Variants in ABCA4 observed in about 807,000 individuals in gnomAD.
ABCA4 encodes ATP binding cassette subfamily A member 4.
Under a neutral mutation model 263.7 loss-of-function variants are expected in ABCA4, and 196 were observed. The ratio of observed to expected loss-of-function variants is 0.74; its 90% CI spans 0.66 to 0.84. The LOEUF (loss-of-function observed/expected upper bound fraction) is 0.84, where lower values mean the gene tolerates loss of function less well. Among genes scored for constraint, ABCA4 ranks in the 40% least tolerant of loss-of-function variants. ABCA4 has a pLI of 0.00. For missense variants in ABCA4, 2,792 were observed against 2,855.1 expected, an observed-to-expected ratio of 0.98 and a Z score of 0.50; for synonymous variants, 1,133 against 1,094.2, an observed-to-expected ratio of 1.04 and a Z score of -0.70.
chr1:94,060,855 CAGATGG>C (rs1282747714), intron 13 of ABCA4, 96 bp from the exon 14 acceptor site: 4 of 1,048,552 alleles, frequency 3.8e-6, no homozygotes, highest in Non-Finnish European at 5.8e-6. Flanking sequence ...GAACAAAGCC[CAGATGG>C]AGGGAAAGGA....
At chr1:94,031,228 A>G (rs1187188062) in intron 27 of ABCA4, 108 bp from the exon 28 acceptor site, 2 of 1,454,816 alleles carry the variant, frequency 1.4e-6, no homozygotes, top group Admixed American at 1.9e-5. Flanking sequence ...CAGCCTCCTA[A>G]TCAGCCCCTG....
intron 43 of ABCA4, 111 bp from the exon 44 acceptor site, chr1:94,005,693 TCTC>T (rs770785933): frequency 3.5e-5 from 39 of 1,101,726 alleles, no homozygotes; most frequent in South Asian, 8.5e-5. Flanking sequence ...CTTCTTCTCT[TCTC>T]CTATTTGGCT....
rs145483148 is a variant in ABCA4, at chr1:94,080,548, A to G, written c.1029T>C (p.Asn343=). The G allele has an allele frequency of 1.6e-3, 2,617 of 1,614,068 alleles. 7 individuals carry two copies. The highest frequency in any genetic ancestry group is 2.0e-3 in the Non-Finnish European group (2,346 of 1,180,018). The part of the protein sequence containing the change: ...RVLSFNWYED[N]NYKAFLGIDS... ...CAATCCCCAGAAAGGCCTTATAGTTATTGTCTTCATACCAGTTGAAGGAGA... is the reference window on the plus strand; with the variant it reads ...CAATCCCCAGAAAGGCCTTATAGTTGTTGTCTTCATACCAGTTGAAGGAGA... Residue 343 remains asparagine (N), a synonymous_variant, in exon 8 of 50, where the codon AAT becomes AAC. Coordinates refer to ENST00000370225, the MANE Select transcript of ABCA4 (RefSeq NM_000350.3).
chr1:94,070,784 G>A (rs565482360), intron 11 of ABCA4, among the ~76,000 whole-genome samples: 1 of 152,330 alleles, frequency 6.6e-6, no homozygotes, highest in South Asian at 2.1e-4. Flanking sequence ...AGTGGTACCA[G>A]GTGGGAAGCC....
chr1:94,051,280 C>T (rs1660832799), intron 17 of ABCA4, among the ~76,000 whole-genome samples: 1 of 152,210 alleles, frequency 6.6e-6, no homozygotes, highest in Non-Finnish European at 1.5e-5. Flanking sequence ...TGCAAAGGTT[C>T]CTTCATGATT....
At chr1:94,030,367 C>A (rs1478038032) in intron 29 of ABCA4, 61 bp downstream of exon 29, 1 of 1,496,556 alleles carries the variant, frequency 6.7e-7, no homozygotes, top group African/African-American at 1.4e-5. Flanking sequence ...CATCTTGAAC[C>A]CACCGTTGGG....
In ABCA4 at chr1:94,060,714, C is replaced by G. The variant is rs373643636; in HGVS notation, c.1983G>C (p.Leu661=). 1.9e-4 allele frequency: 302 copies of G among 1,613,812 alleles called. No individual in the cohort carries two copies. Among genetic ancestry groups the G allele is most frequent in the Non-Finnish European group, 2.4e-4 (287 of 1,179,948 alleles). The change falls in exon 14 of 50, where the codon CTG becomes CTC. Residue 661 remains leucine, a synonymous_variant. Transcript: ENST00000370225. The part of the protein sequence containing the change: ...LNRCFPIFMV[L]AWIYSVSMTV... ...TCATGGAGACAGAGTAGATCCATGC[C>G]AGCACCATGAAGATAGGGAAACAGC...
At chr1:94,034,991 T>C (rs1490038409) in intron 26 of ABCA4, among the ~76,000 whole-genome samples, 1 of 152,170 alleles carries the variant, frequency 6.6e-6, no homozygotes, top group Non-Finnish European at 1.5e-5. Context: ...ACAAAGAGGC[T>C]ATGTACTTAC....
chr1:94,059,505 C>G (rs1661060413), intron 14 of ABCA4: 1 of 152,168 alleles, frequency 6.6e-6, no homozygotes, highest in Non-Finnish European at 1.5e-5. Flanking sequence ...GGAGAAAGGG[C>G]AAGATTTGGC....
chr1:94,093,253 T>C (rs1662025522), intron 6 of ABCA4, among the ~76,000 whole-genome samples: 1 of 152,208 alleles, frequency 6.6e-6, no homozygotes, highest in South Asian at 2.1e-4. Context: ...TAGAAAAACA[T>C]TTTAATGTAA....
At position 94,111,418 on chromosome 1, in the gene ABCA4, G is replaced by C. The variant is rs61753050; in HGVS notation, c.302+20C>G. 4.3e-6 allele frequency: 7 copies of C among 1,613,394 alleles called. No homozygotes were observed. Among genetic ancestry groups the C allele is most frequent in the Non-Finnish European group, 5.9e-6 (7 of 1,179,680 alleles). On this transcript the variant is annotated intron_variant, in intron 3 of 49. Coordinates refer to ENST00000370225, the MANE Select transcript of ABCA4 (RefSeq NM_000350.3). ...GGTGTGCAACTTCCTCCCCTGCATG[G>C]TAGGGATCTCAACACTTACATGGAG... is the stretch of plus-strand genomic sequence containing the variant.
chr1:94,018,567 T>C lies in ABCA4; in HGVS notation c.5196+1015A>G, dbSNP rs17389488. 24,557 of 455,848 alleles carry C rather than the reference T, an allele frequency of 0.054. 851 individuals carry two copies. Among genetic ancestry groups the C allele is most frequent in the Middle Eastern group, 0.2 (600 of 3,066 alleles). The allele number at this position is 455,848 out of a possible 1,614,324, so 28.2% of individuals were successfully genotyped here. ...GAAATCATATCTTCAGGAATTCCAA[T>C]ATTCACCATCATTTTAAAAAACCAT... On this transcript the variant is annotated intron_variant, in intron 36 of 49. Transcript: ENST00000370225.
At chr1:94,078,466 T>G in intron 10 of ABCA4, 124 bp downstream of exon 10, 1 of 771,194 alleles carries the variant, frequency 1.3e-6, no homozygotes, top group Non-Finnish European at 2.2e-6. Context: ...TGGGGCCTGC[T>G]TGTTGTATTT....
chr1:94,032,799 A>G (rs1056114863), intron 26 of ABCA4, among the ~76,000 whole-genome samples: 2 of 152,212 alleles, frequency 1.3e-5, no homozygotes, highest in East Asian at 3.9e-4. Context: ...ACTCTGAAAG[A>G]ATGTCCACCG....
At chr1:93,998,803 A>G (rs1463803580) in intron 47 of ABCA4, among the ~76,000 whole-genome samples, 1 of 148,942 alleles carries the variant, frequency 6.7e-6, no homozygotes, top group Non-Finnish European at 1.5e-5. Context: ...CAGTGGCATG[A>G]TCTTGGCTCA....
Position 94,047,051 on chromosome 1 carries a change from A to G in ABCA4, c.2786T>C (p.Val929Ala), listed in dbSNP as rs767041978. 10 of 1,614,140 alleles carry G rather than the reference A, an allele frequency of 6.2e-6. No individual in the cohort carries two copies. Among genetic ancestry groups the G allele is most frequent in the Non-Finnish European group, 8.5e-6 (10 of 1,180,044 alleles). The stretch of plus-strand genomic sequence containing the variant: ...AATCTTTACCAGATTCTTCACGCAT[A>G]CCCCAGGAACCCACCCTGGATGCTC... ...EREHPGWVPG[V>A]CVKNLVKIFE... Residue 929 changes from valine to alanine, a missense_variant, in exon 19 of 50, where the codon GTA (valine) becomes GCA (alanine). Transcript: ENST00000370225.
chr1:94,055,977 A>G (rs1286466606), intron 15 of ABCA4, among the ~76,000 whole-genome samples: 1 of 152,214 alleles, frequency 6.6e-6, no homozygotes, highest in Non-Finnish European at 1.5e-5. Context: ...GAAATGGCCC[A>G]TTTGAAAACA....
intron 4 of ABCA4, among the ~76,000 whole-genome samples, chr1:94,104,163 C>T (rs1353492612): frequency 1.3e-5 from 2 of 152,184 alleles, no homozygotes; most frequent in Admixed American, 6.5e-5. Flanking sequence ...CTTCCAGGGC[C>T]AATGCTTGGC....
chr1:94,007,885 A>G, intron 42 of ABCA4, 145 bp from the exon 43 acceptor site: 1 of 754,840 alleles, frequency 1.3e-6, no homozygotes, highest in South Asian at 1.5e-5. Flanking sequence ...GTGGCTACTA[A>G]GCACTTGAAA....
Sources: gnomAD v4.1 joint callset for allele counts (sites outside exome capture counted in the v4.1 genomes callset) on GRCh38, gnomAD v4.1.1 for gene constraint, MANE v1.5 for transcripts, NCBI Gene and HGNC (gene_info 2026-07-23, HGNC 2026-07-21) for gene names.